The following SV2C variants were observed in gnomAD, a reference collection of about 807,000 sequenced individuals.
SV2C encodes the protein solute carrier family 22 member B3.
SV2C carries 49 observed loss-of-function variants against 79.7 expected under a neutral mutation model. The ratio of observed to expected loss-of-function variants is 0.61; its 90% CI spans 0.49 to 0.78. SV2C has a LOEUF of 0.78. Ranked by LOEUF, SV2C falls within the 30% of genes least tolerant of loss-of-function variation. The pLI, the probability that SV2C is intolerant of heterozygous loss-of-function variation, is 0.00. For synonymous variants in SV2C, 334 were observed against 333.2 expected, an observed-to-expected ratio of 1.00 and a Z score of -0.03; for missense variants, 833 against 912.9, an observed-to-expected ratio of 0.91 and a Z score of 1.13.
chr5:76,351,194 C>T (rs80131316), intron 12 of SV2C, among the ~76,000 whole-genome samples: 156 of 152,200 alleles, frequency 1.0e-3, no homozygotes, highest in African/African-American at 3.6e-3. Context: ...ACCTGTAATC[C>T]CAGCAGTTTG....
chr5:75,854,719 A>G, the SV2C span, among the ~76,000 whole-genome samples: 1 of 152,076 alleles, frequency 6.6e-6, no homozygotes, highest in Non-Finnish European at 1.5e-5. Flanking sequence ...CTTCTGACGA[A>G]CTTCCATGTG....
chr5:76,030,289 T>TTTTTTATTTA, the SV2C span, among the ~76,000 whole-genome samples: 11 of 117,912 alleles, frequency 9.3e-5, no homozygotes, highest in African/African-American at 3.1e-4. Flanking sequence ...TTTTTTTTTT[T>TTTTTTATTTA]TTTATTTATT....
chr5:76,306,077 A>G (rs1268441446), intron 12 of SV2C, among the ~76,000 whole-genome samples: 1 of 152,154 alleles, frequency 6.6e-6, no homozygotes, highest in African/African-American at 2.4e-5. Context: ...GCCCAGAGCT[A>G]CAATCTGTAA....
chr5:76,104,034 A>G (rs777512234), intron 1 of SV2C, among the ~76,000 whole-genome samples: 2 of 152,192 alleles, frequency 1.3e-5, no homozygotes, highest in African/African-American at 4.8e-5. Context: ...ACTTTATTCT[A>G]TGTAGTCTAT....
chr5:76,270,770 T>A (rs1049129694), intron 4 of SV2C, among the ~76,000 whole-genome samples: 1 of 151,116 alleles, frequency 6.6e-6, no homozygotes, highest in Non-Finnish European at 1.5e-5. Flanking sequence ...TTATTTATTT[T>A]TATTATTTTT....
intron 8 of SV2C, among the ~76,000 whole-genome samples, chr5:76,292,592 A>G (rs1316006790): frequency 6.6e-6 from 1 of 152,100 alleles, no homozygotes; most frequent in African/African-American, 2.4e-5. Flanking sequence ...GAGTGTTATA[A>G]TCACACCTGT....
the SV2C span, among the ~76,000 whole-genome samples, chr5:76,033,209 C>G: frequency 6.6e-6 from 1 of 151,968 alleles, no homozygotes; most frequent in Non-Finnish European, 1.5e-5. Context: ...CCTGTTCACT[C>G]TGATGGTAGT....
intron 4 of SV2C, 131 bp downstream of exon 4, chr5:76,210,018 T>C: frequency 1.8e-6 from 2 of 1,132,466 alleles, no homozygotes; most frequent in Non-Finnish European, 2.4e-6. Context: ...CCTTTCATAG[T>C]GTCCAGGAGT....
the SV2C span, among the ~76,000 whole-genome samples, chr5:75,958,108 A>G: frequency 6.6e-6 from 1 of 151,996 alleles, no homozygotes; most frequent in East Asian, 1.9e-4. Flanking sequence ...GAAAGCCTCA[A>G]TAGAGTTTTT....
chr5:76,086,425 C>T (rs7712198), intron 1 of SV2C, among the ~76,000 whole-genome samples: 40,165 of 152,030 alleles, frequency 0.26, 5,953 homozygotes, highest in East Asian at 0.43. Context: ...CTCCAGATGA[C>T]GGTAGATTTC....
the SV2C span, among the ~76,000 whole-genome samples, chr5:75,982,376 T>C: frequency 3.3e-5 from 5 of 152,160 alleles, no homozygotes; most frequent in Non-Finnish European, 5.9e-5. Context: ...TCAACATCAC[T>C]GATCATTAGA....
At chr5:76,124,623 A>G (rs1028000033) in intron 1 of SV2C, among the ~76,000 whole-genome samples, 16 of 152,148 alleles carry the variant, frequency 1.1e-4, no homozygotes, top group African/African-American at 1.7e-4. Flanking sequence ...TTTTGTGTCT[A>G]TACCTAGAGG....
chr5:76,160,098 T>C (rs1474928550), intron 2 of SV2C, among the ~76,000 whole-genome samples: 1 of 152,080 alleles, frequency 6.6e-6, no homozygotes, highest in Non-Finnish European at 1.5e-5. Flanking sequence ...TGATCCTAGA[T>C]TGGAAGACAA....
the SV2C span, among the ~76,000 whole-genome samples, chr5:75,875,348 T>C: frequency 2.6e-5 from 4 of 152,066 alleles, no homozygotes; most frequent in Non-Finnish European, 5.9e-5. Context: ...ACCAACTCAA[T>C]AAATGGTGCT....
chr5:76,345,476 C>T (rs888633878), intron 12 of SV2C, among the ~76,000 whole-genome samples: 1 of 152,112 alleles, frequency 6.6e-6, no homozygotes, highest in African/African-American at 2.4e-5. Flanking sequence ...GGCAGAAGTT[C>T]TGACATTATC....
intron 12 of SV2C, among the ~76,000 whole-genome samples, chr5:76,339,023 C>A (rs78493754): frequency 0.047 from 7,165 of 151,952 alleles, 579 homozygotes; most frequent in African/African-American, 0.16. Flanking sequence ...TGGAAGCTTC[C>A]GAGGCAGACA....
At chr5:76,035,213 A>G in the SV2C span, among the ~76,000 whole-genome samples, 111 of 149,584 alleles carry the variant, frequency 7.4e-4, no homozygotes, top group Middle Eastern at 0.014. Flanking sequence ...TGGATTCGTT[A>G]ATTTTTTGAA....
the SV2C span, among the ~76,000 whole-genome samples, chr5:76,071,104 T>C: frequency 6.6e-6 from 1 of 152,156 alleles, no homozygotes; most frequent in African/African-American, 2.4e-5. Context: ...CTTTCCTAGG[T>C]TTTTTGAGAG....
the SV2C span, among the ~76,000 whole-genome samples, chr5:75,930,325 AAGAC>A: frequency 7.9e-5 from 12 of 152,302 alleles, no homozygotes; most frequent in East Asian, 1.7e-3. Flanking sequence ...ATTCTGGAAA[AAGAC>A]AGAAGTTACC....
Sources: gnomAD v4.1 joint callset for allele counts (sites outside exome capture counted in the v4.1 genomes callset) on GRCh38, gnomAD v4.1.1 for gene constraint, MANE v1.5 for transcripts, NCBI Gene and HGNC (gene_info 2026-07-23, HGNC 2026-07-21) for gene names.